BRF1: variants seen among roughly 807,000 people sequenced by gnomAD.
The protein encoded by BRF1 is transcription factor IIIB 90 kDa subunit.
A neutral mutation model predicts 81.7 loss-of-function variants in BRF1; 59 were observed. The observed-to-expected ratio is 0.72, with a 90% confidence interval of 0.59 to 0.90. The LOEUF (loss-of-function observed/expected upper bound fraction) is 0.90, where lower values mean the gene tolerates loss of function less well. Ranked by LOEUF, BRF1 falls within the 40% of genes least tolerant of loss-of-function variation. BRF1 has a pLI of 0.00. For missense variants in BRF1, 1,050 were observed against 936.3 expected (o/e 1.12, Z -1.58); for synonymous variants, 491 against 395.6 (o/e 1.24, Z -2.86).
chr14:105,229,674 T>C (rs587727746), intron 6 of BRF1, among the ~76,000 whole-genome samples: 2 of 148,576 alleles, frequency 1.3e-5, no homozygotes, highest in African/African-American at 5.0e-5. Context: ...CGTGGCACCC[T>C]CAGGAGCAAC....
chr14:105,241,779 A>T (rs2054674981), intron 5 of BRF1: 1 of 276,716 alleles, frequency 3.6e-6, no homozygotes, highest in South Asian at 4.4e-5. Context: ...CTCTTAGAGC[A>T]AGACAGGCGT....
intron 7 of BRF1, chr14:105,228,032 G>C (rs1372753040): frequency 6.6e-6 from 1 of 152,162 alleles, no homozygotes; most frequent in East Asian, 1.9e-4. Context: ...ACCCAGCAAA[G>C]CCGGGGTGCA....
rs1341478926 is a variant in BRF1 at position 105,284,509 on chromosome 14, G to A, written c.265+1787C>T. Among the ~76,000 whole-genome samples, 3 of 152,120 alleles carry A rather than the reference G, an allele frequency of 2.0e-5. No homozygotes were observed. Among genetic ancestry groups the A allele is most frequent in the Admixed American group, 1.3e-4 (2 of 15,268 alleles). The stretch of plus-strand genomic sequence containing the variant: ...CCCAGGAGAAAACAGCCAGGGTGAC[G>A]TGCTGTCCACAAGAGATGTTCTACC... On this transcript the variant is annotated intron_variant, in intron 2 of 17. Transcript: ENST00000547530. This position sits in a 1 kb window ranked among gnomAD's most constrained non-coding sequence, Gnocchi z 4.0.
chr14:105,223,471 C>G (rs1012722139), intron 10 of BRF1, among the ~76,000 whole-genome samples: 1 of 152,274 alleles, frequency 6.6e-6, no homozygotes, highest in African/African-American at 2.4e-5. Flanking sequence ...GGACTACCGA[C>G]TGCCACGCCA....
intron 6 of BRF1, among the ~76,000 whole-genome samples, chr14:105,229,333 C>G (rs587729516): frequency 8.5e-5 from 13 of 152,180 alleles, no homozygotes; most frequent in Non-Finnish European, 1.9e-4. Flanking sequence ...ACAGTGGGCC[C>G]AGAACCTCCA....
At chr14:105,222,236 A>C in intron 10 of BRF1, 1 of 254,260 alleles carries the variant, frequency 3.9e-6, no homozygotes, top group Non-Finnish European at 7.4e-6. Context: ...CACTGATAAA[A>C]CGGATTTCCA....
At chr14:105,314,258 A>G (rs1325135638) in intron 1 of BRF1, among the ~76,000 whole-genome samples, 1 of 133,542 alleles carries the variant, frequency 7.5e-6, no homozygotes, top group Non-Finnish European at 1.6e-5. Flanking sequence ...GCAGGAGACA[A>G]GGGGCGGCGA....
At chr14:105,212,070 G>A in intron 16 of BRF1, 43 bp downstream of exon 16, 1 of 1,605,206 alleles carries the variant, frequency 6.2e-7, no homozygotes, top group East Asian at 2.2e-5. Flanking sequence ...GAAGTGGGCT[G>A]CCTCCCAAGG....
Position 105,209,478 on chromosome 14 carries a change from G to C in BRF1, c.*1073C>G. 3 of 700,726 alleles carry C rather than the reference G, an allele frequency of 4.3e-6. No homozygotes were observed. Among genetic ancestry groups the C allele is most frequent in the Non-Finnish European group, 7.8e-6 (3 of 384,222 alleles). The allele number at this position is 700,726 out of a possible 1,614,324, so 43.4% of individuals were successfully genotyped here. A position where few individuals can be genotyped will look rare whatever the true frequency, so the allele number is the denominator to read the frequency against. On this transcript the variant is annotated 3_prime_UTR_variant, in exon 18 of 18. Coordinates refer to ENST00000547530, the MANE Select transcript of BRF1 (RefSeq NM_001519.4). ...GGGAGGATGAGGCCCCTGGGGGTCA[G>C]TGAGGCACGGCTCTGCCTCAAGGCC...
chr14:105,297,792 C>G (rs2057802635), intron 1 of BRF1, among the ~76,000 whole-genome samples: 1 of 151,858 alleles, frequency 6.6e-6, no homozygotes, highest in Non-Finnish European at 1.5e-5. Context: ...GTCAGGAGAT[C>G]GAAACCATCC....
chr14:105,245,116 T>G (rs930582517), intron 5 of BRF1, among the ~76,000 whole-genome samples: 3 of 152,150 alleles, frequency 2.0e-5, no homozygotes, highest in African/African-American at 7.2e-5. Flanking sequence ...CCTAGCACTT[T>G]GGGAGGCCGA....
Position 105,241,345 on chromosome 14 carries a change from A to G in BRF1, c.614T>C (p.Met205Thr), listed in dbSNP as rs923200396. 2.5e-6 allele frequency: 4 copies of G among 1,612,810 alleles called. No individual in the cohort carries two copies. Among genetic ancestry groups the G allele is most frequent in the Non-Finnish European group, 3.4e-6 (4 of 1,179,936 alleles). The part of the protein sequence containing the change: ...EFGEKNHEVS[M>T]TALRLLQRMK... ...CCTCTGTAGGAGCCTCAGGGCAGTC[A>G]TGGACACCTCGTGGTTCTTCTCCCC... The change falls in exon 6 of 18, where the codon ATG becomes ACG. Residue 205 changes from methionine (M) to threonine (T), a missense_variant. Transcript: ENST00000547530.
chr14:105,248,405 T>C, intron 5 of BRF1: 1 of 985,326 alleles, frequency 1.0e-6, no homozygotes, highest in Non-Finnish European at 1.2e-6. Context: ...GGAGCCGCCT[T>C]CCACGGCTAC....
At chr14:105,229,009 G>C in intron 6 of BRF1, 96 bp from the exon 7 acceptor site, 2 of 1,127,640 alleles carry the variant, frequency 1.8e-6, no homozygotes, top group South Asian at 2.5e-5. Flanking sequence ...CGGTCACGGA[G>C]ATGATGGCCT....
At chr14:105,286,517 T>C in intron 1 of BRF1, 141 bp from the exon 2 acceptor site, 1 of 821,388 alleles carries the variant, frequency 1.2e-6, no homozygotes, top group Non-Finnish European at 2.0e-6. Flanking sequence ...CCCCCGCACC[T>C]CCGTCACTGA....
At chr14:105,287,157 G>A (rs1211902815) in intron 1 of BRF1, among the ~76,000 whole-genome samples, 1 of 152,232 alleles carries the variant, frequency 6.6e-6, no homozygotes, top group African/African-American at 2.4e-5. Flanking sequence ...GCATGCCTAC[G>A]ACGTCCACCA....
At chr14:105,266,425 A>T (rs2816621) in intron 3 of BRF1, among the ~76,000 whole-genome samples, 36,943 of 152,118 alleles carry the variant, frequency 0.24, 4,764 homozygotes, top group Middle Eastern at 0.28. Flanking sequence ...AAAAAATTTT[A>T]AAAAATTAAT....
At chr14:105,308,789 G>C (rs1449809420) in intron 1 of BRF1, among the ~76,000 whole-genome samples, 1 of 151,720 alleles carries the variant, frequency 6.6e-6, no homozygotes, top group East Asian at 2.0e-4. Flanking sequence ...CCATGACTTT[G>C]TCTCTAAATA....
intron 15 of BRF1, among the ~76,000 whole-genome samples, chr14:105,216,837 C>T (rs758243829): frequency 6.6e-6 from 1 of 152,148 alleles, no homozygotes; most frequent in Admixed American, 6.5e-5. Context: ...GAGTGAAGGT[C>T]GGAACCACCA....
Sources: gnomAD v4.1 joint callset for allele counts (sites outside exome capture counted in the v4.1 genomes callset) on GRCh38, gnomAD v4.1.1 for gene constraint, Gnocchi (gnomAD v3.1) non-coding constraint, MANE v1.5 for transcripts, NCBI Gene and HGNC (gene_info 2026-07-23, HGNC 2026-07-21) for gene names.